TMEM217: variants seen among roughly 807,000 people sequenced by gnomAD.
TMEM217 encodes the protein transmembrane protein 217, also known as chromosome 6 open reading frame 128.
For synonymous variants in TMEM217, 76 were observed against 88.3 expected (o/e 0.86, Z 0.78); for missense variants, 204 against 248.8 (o/e 0.82, Z 1.21).
intron 1 of TMEM217, among the ~76,000 whole-genome samples, chr6:37,240,562 C>T (rs1383200494): frequency 6.6e-6 from 1 of 152,148 alleles, no homozygotes; most frequent in Non-Finnish European, 1.5e-5. Flanking sequence ...TGATATCCAT[C>T]ACTTCAGCTA....
chr6:37,214,225 T>TTCTC (rs370031606), downstream of TMEM217, among the ~76,000 whole-genome samples: 7 of 150,156 alleles, frequency 4.7e-5, no homozygotes, highest in Admixed American at 2.7e-4. Flanking sequence ...AGAACTTCCT[T>TTCTC]TCTCTCTCTC....
chr6:37,229,002 A>G (rs1415719423), intron 1 of TMEM217, among the ~76,000 whole-genome samples: 6 of 152,030 alleles, frequency 3.9e-5, no homozygotes, highest in Non-Finnish European at 8.8e-5. Context: ...GTCTCAAAAA[A>G]AAAACAAAAA....
At chr6:37,225,429 A>G (rs749972735) in intron 1 of TMEM217, among the ~76,000 whole-genome samples, 10 of 152,182 alleles carry the variant, frequency 6.6e-5, no homozygotes, top group Non-Finnish European at 1.2e-4. Context: ...TGTATTAATG[A>G]TGACTGTTTT....
intron 1 of TMEM217, among the ~76,000 whole-genome samples, chr6:37,245,945 G>A (rs934550561): frequency 3.9e-5 from 6 of 151,936 alleles, no homozygotes; most frequent in Non-Finnish European, 7.4e-5. Context: ...AATCACAGGC[G>A]TGCACCACCA....
At chr6:37,218,785 G>A (rs780510149) in exon 2 of TMEM217, 7 of 1,614,222 alleles carry the variant, frequency 4.3e-6, no homozygotes, top group Non-Finnish European at 5.9e-6. Context: ...CTGAGTACAG[G>A]AGGAAGCAGC....
At chr6:37,222,464 G>C (rs1164140793) in intron 1 of TMEM217, among the ~76,000 whole-genome samples, 1 of 152,206 alleles carries the variant, frequency 6.6e-6, no homozygotes, top group Non-Finnish European at 1.5e-5. Flanking sequence ...GTCCCCGAGG[G>C]TGCAGGCTGC....
intron 1 of TMEM217, among the ~76,000 whole-genome samples, chr6:37,256,496 G>C (rs1004670607): frequency 1.3e-5 from 2 of 152,092 alleles, no homozygotes; most frequent in African/African-American, 4.8e-5. Flanking sequence ...TTTTCTCTGG[G>C]TTAAATGCCC....
downstream of TMEM217, among the ~76,000 whole-genome samples, chr6:37,217,178 C>G (rs1383496297): frequency 6.6e-6 from 1 of 152,184 alleles, no homozygotes; most frequent in Non-Finnish European, 1.5e-5. Context: ...CCTGTAATCC[C>G]AGCTATTCAG....
intron 1 of TMEM217, among the ~76,000 whole-genome samples, chr6:37,232,490 AT>A (rs1764257345): frequency 6.6e-6 from 1 of 152,140 alleles, no homozygotes; most frequent in African/African-American, 2.4e-5. Context: ...GGTTCACGCC[AT>A]TCTCCTGCCT....
chr6:37,247,755 C>A (rs887284584), intron 1 of TMEM217, among the ~76,000 whole-genome samples: 2 of 152,184 alleles, frequency 1.3e-5, no homozygotes, highest in African/African-American at 4.8e-5. Flanking sequence ...GAAACACACA[C>A]CTCAGAATTA....
At chr6:37,252,934 C>T (rs1765525821) in intron 1 of TMEM217, among the ~76,000 whole-genome samples, 1 of 151,940 alleles carries the variant, frequency 6.6e-6, no homozygotes, top group Admixed American at 6.6e-5. Flanking sequence ...GCTACTGTTA[C>T]CCAGGTGATG....
intron 1 of TMEM217, among the ~76,000 whole-genome samples, chr6:37,256,828 C>T (rs1251325113): frequency 6.6e-6 from 1 of 152,100 alleles, no homozygotes; most frequent in African/African-American, 2.4e-5. Context: ...GCCCGCCTTC[C>T]CTCTTTCCCC....
intron 1 of TMEM217, among the ~76,000 whole-genome samples, chr6:37,242,943 T>G (rs1489090588): frequency 1.4e-5 from 2 of 146,102 alleles, no homozygotes; most frequent in African/African-American, 4.9e-5. Flanking sequence ...CCTAGCAGTC[T>G]TCTTCTCATG....
At chr6:37,232,680 C>T (rs1358041655) in intron 1 of TMEM217, among the ~76,000 whole-genome samples, 1 of 152,240 alleles carries the variant, frequency 6.6e-6, no homozygotes, top group African/African-American at 2.4e-5. Context: ...ACACTCCCTT[C>T]CTTTGTTACA....
At chr6:37,254,477 C>G (rs1027371630) in intron 1 of TMEM217, among the ~76,000 whole-genome samples, 1 of 152,160 alleles carries the variant, frequency 6.6e-6, no homozygotes, top group Non-Finnish European at 1.5e-5. Context: ...TCCTTTGAAG[C>G]TGCAAAAGAG....
At chr6:37,255,026 C>T (rs913904489) in intron 1 of TMEM217, among the ~76,000 whole-genome samples, 4 of 152,112 alleles carry the variant, frequency 2.6e-5, no homozygotes, top group South Asian at 2.1e-4. Context: ...TGACAGGAGG[C>T]GGAGCTCTGG....
At chr6:37,214,247 C>T (rs1159829940), downstream of TMEM217, among the ~76,000 whole-genome samples, 1 of 152,044 alleles carries the variant, frequency 6.6e-6, no homozygotes, top group Non-Finnish European at 1.5e-5. Flanking sequence ...CTCTCTCTTT[C>T]GACAGAGTCT....
At chr6:37,251,270 A>T (rs1364071809) in intron 1 of TMEM217, among the ~76,000 whole-genome samples, 1 of 152,248 alleles carries the variant, frequency 6.6e-6, no homozygotes, top group Non-Finnish European at 1.5e-5. Flanking sequence ...TATGGGAATG[A>T]ACACCCACTC....
rs758048140 is a variant in TMEM217 at position 37,224,230 on chromosome 6, C to T, written c.-11-5189G>A. Among the ~76,000 whole-genome samples the T allele has an allele frequency of 4.0e-5, 6 of 150,556 alleles. No homozygotes were observed. In the East Asian group the frequency reaches 6.0e-4, roughly 15 times the overall value. ...CTGGGATTACAGGCGTGAGCCACCG[C>T]GCCCGGCCTCTGCCTCAGCCTTTTA... On this transcript the variant is annotated intron_variant, in intron 1 of 1. Coordinates refer to ENST00000357219, the Ensembl canonical transcript of TMEM217.
Sources: allele counts gnomAD v4.1 joint callset (sites outside exome capture counted in the v4.1 genomes callset), GRCh38; gene constraint gnomAD v4.1.1; transcripts MANE v1.5; gene names NCBI Gene and HGNC (gene_info 2026-07-23, HGNC 2026-07-21).